Variants in NETO1 observed in about 807,000 individuals in gnomAD.
NETO1 encodes neuropilin and tolloid like 1.
Under a neutral mutation model 61.3 loss-of-function variants are expected in NETO1, and 26 were observed. That is an observed-to-expected ratio of 0.42 (90% CI 0.31 to 0.59). NETO1 has a LOEUF of 0.59. Ranked by LOEUF, NETO1 falls within the 20% of genes least tolerant of loss-of-function variation. The probability of loss-of-function intolerance (pLI) is 0.12; values close to 1 mark genes in which losing one functional copy is unlikely to be tolerated. For synonymous variants in NETO1, 225 were observed against 225.8 expected (o/e 1.00, Z 0.03); for missense variants, 531 against 662.8 (o/e 0.80, Z 2.18).
intron 3 of NETO1, among the ~76,000 whole-genome samples, chr18:72,862,786 C>A (rs1469988625): frequency 7.9e-5 from 12 of 151,796 alleles, no homozygotes; most frequent in Admixed American, 7.2e-4. Flanking sequence ...ACGCCTGGCT[C>A]ATTTTTCGTA....
chr18:72,818,909 A>G (rs1434282115), intron 4 of NETO1, among the ~76,000 whole-genome samples: 1 of 152,246 alleles, frequency 6.6e-6, no homozygotes, highest in Non-Finnish European at 1.5e-5. Context: ...AAATATATCA[A>G]AATGGAAATA....
intron 7 of NETO1, among the ~76,000 whole-genome samples, chr18:72,779,843 C>T (rs1401076619): frequency 6.6e-6 from 1 of 152,114 alleles, no homozygotes; most frequent in Non-Finnish European, 1.5e-5. Context: ...GGTTTTGTTT[C>T]CCACGGTTCT....
At chr18:72,850,841 T>C (rs571689518) in intron 4 of NETO1, among the ~76,000 whole-genome samples, 20 of 152,284 alleles carry the variant, frequency 1.3e-4, no homozygotes, top group African/African-American at 4.3e-4. Context: ...GGATTCGACA[T>C]AGAGGTAACC....
intron 7 of NETO1, among the ~76,000 whole-genome samples, chr18:72,767,604 G>T (rs2055948636): frequency 6.6e-6 from 1 of 151,952 alleles, no homozygotes; most frequent in South Asian, 2.1e-4. Context: ...CTTCTTCAAT[G>T]GTTTAAGTAA....
intron 4 of NETO1, among the ~76,000 whole-genome samples, chr18:72,822,471 G>T (rs1035810203): frequency 6.6e-6 from 1 of 152,204 alleles, no homozygotes; most frequent in African/African-American, 2.4e-5. Flanking sequence ...GGGAGGCGGA[G>T]CAGGGAGCGG....
At chr18:72,819,130 G>C (rs1418556024) in intron 4 of NETO1, among the ~76,000 whole-genome samples, 1 of 151,768 alleles carries the variant, frequency 6.6e-6, no homozygotes, top group Non-Finnish European at 1.5e-5. Flanking sequence ...CCCACCTTCT[G>C]TCTGTCTTAC....
intron 4 of NETO1, among the ~76,000 whole-genome samples, chr18:72,847,330 G>A (rs1027369562): frequency 1.3e-5 from 2 of 152,198 alleles, no homozygotes; most frequent in Admixed American, 1.3e-4. Context: ...AGCTGGAAAG[G>A]GAAAATGCCA....
rs188365533 is a variant in NETO1 at position 72,808,613 on chromosome 18, G to A, written c.470-14209C>T. Among the ~76,000 whole-genome samples, 571 of 152,252 alleles carry A rather than the reference G, an allele frequency of 3.8e-3. 3 individuals carry two copies. Among genetic ancestry groups the A allele is most frequent in the Non-Finnish European group, 6.6e-3 (452 of 68,026 alleles). ...TTCTCAAAATTATTTAAAGATGTAC[G>A]TTTAAGCATCATGGCAAAGCCTTGT... On this transcript the variant is annotated intron_variant, in intron 4 of 10. Coordinates refer to ENST00000327305, the MANE Select transcript of NETO1 (RefSeq NM_138966.5).
chr18:72,783,955 CATCAGT>C, intron 6 of NETO1, 49 bp from the exon 7 acceptor site: 5 of 1,292,590 alleles, frequency 3.9e-6, no homozygotes, highest in Non-Finnish European at 5.6e-6. Context: ...TATGAATGTA[CATCAGT>C]ATCAGAACTC....
intron 7 of NETO1, among the ~76,000 whole-genome samples, chr18:72,769,630 T>C (rs960715730): frequency 6.6e-6 from 1 of 152,154 alleles, no homozygotes; most frequent in Admixed American, 6.6e-5. Context: ...CACCCAAATA[T>C]AACCATTAAT....
chr18:72,846,722 C>A (rs1029670367), intron 4 of NETO1, among the ~76,000 whole-genome samples: 1 of 151,828 alleles, frequency 6.6e-6, no homozygotes, highest in Non-Finnish European at 1.5e-5. Context: ...GTCGTGTGCA[C>A]GTGCAAAAAA....
chr18:72,779,709 T>C lies in NETO1; in HGVS notation c.868+3969A>G, dbSNP rs1030778760. ...TCTTAGGTATAAATAATGGTAGAATTCTGCATAATTTTAGCCAATGCAATA... is the reference window on the plus strand; with the variant it reads ...TCTTAGGTATAAATAATGGTAGAATCCTGCATAATTTTAGCCAATGCAATA... On this transcript the variant is annotated intron_variant, in intron 7 of 10. Coordinates refer to ENST00000327305, the MANE Select transcript of NETO1 (RefSeq NM_138966.5). 2.0e-5 allele frequency among the ~76,000 whole-genome samples: 3 copies of C among 152,218 alleles called. No homozygotes were observed. In the South Asian group the frequency reaches 6.2e-4, roughly 32 times the overall value.
intron 4 of NETO1, among the ~76,000 whole-genome samples, chr18:72,806,406 C>G (rs1243787490): frequency 6.6e-6 from 1 of 152,144 alleles, no homozygotes; most frequent in Non-Finnish European, 1.5e-5. Context: ...TCTACCAACA[C>G]TTTCTCTCTC....
intron 3 of NETO1, among the ~76,000 whole-genome samples, chr18:72,863,520 G>T (rs567857282): frequency 3.9e-5 from 6 of 152,314 alleles, no homozygotes; most frequent in Admixed American, 2.6e-4. Flanking sequence ...AATTTGCACT[G>T]CCAGACCTTA....
At chr18:72,768,547 T>C (rs750431714) in intron 7 of NETO1, among the ~76,000 whole-genome samples, 2 of 152,214 alleles carry the variant, frequency 1.3e-5, no homozygotes, top group Non-Finnish European at 2.9e-5. Context: ...TGTTACTTTA[T>C]ATGGAAAAAG....
chr18:72,794,079 C>T (rs572865804), intron 6 of NETO1, 38 bp downstream of exon 6: 15 of 1,613,774 alleles, frequency 9.3e-6, no homozygotes, highest in East Asian at 6.7e-5. Flanking sequence ...CACTTCTCAA[C>T]GTCAGCTGTC....
intron 7 of NETO1, among the ~76,000 whole-genome samples, chr18:72,757,647 C>T (rs1599099423): frequency 1.3e-5 from 2 of 151,938 alleles, no homozygotes; most frequent in South Asian, 4.1e-4. Context: ...TCACGCTTAA[C>T]ACTTTATTTT....
chr18:72,759,127 C>CA (rs1366215679), intron 7 of NETO1, among the ~76,000 whole-genome samples: 1 of 152,134 alleles, frequency 6.6e-6, no homozygotes, highest in Non-Finnish European at 1.5e-5. Context: ...CTCGGTGCAC[C>CA]AATGTGTGTA....
intron 4 of NETO1, among the ~76,000 whole-genome samples, chr18:72,816,390 G>A (rs1025668583): frequency 2.0e-5 from 3 of 152,110 alleles, no homozygotes; most frequent in Admixed American, 6.5e-5. Flanking sequence ...AATTTCAAAG[G>A]CTGTTACACC....
Sources: allele counts gnomAD v4.1 joint callset (sites outside exome capture counted in the v4.1 genomes callset), GRCh38; gene constraint gnomAD v4.1.1; transcripts MANE v1.5; gene names NCBI Gene and HGNC (gene_info 2026-07-23, HGNC 2026-07-21).